Variants in CTNNA3 observed in about 807,000 individuals in gnomAD.
CTNNA3 encodes the protein catenin alpha 3.
CTNNA3 carries 76 observed loss-of-function variants against 95.7 expected under a neutral mutation model. That is an observed-to-expected ratio of 0.79 (90% CI 0.66 to 0.96). The LOEUF (loss-of-function observed/expected upper bound fraction) is 0.96, where lower values mean the gene tolerates loss of function less well. CTNNA3 is among the 40% of genes least tolerant of loss of function. CTNNA3 has a pLI of 0.00. For synonymous variants in CTNNA3, 431 were observed against 374.4 expected (o/e 1.15, Z -1.74); for missense variants, 1,191 against 1,089.8 (o/e 1.09, Z -1.31).
At chr10:67,613,563 G>A (rs923849811) in intron 2 of CTNNA3, among the ~76,000 whole-genome samples, 4 of 152,088 alleles carry the variant, frequency 2.6e-5, no homozygotes, top group African/African-American at 9.7e-5. Flanking sequence ...CTCCTGTCTA[G>A]TTTAGTTGGG....
chr10:67,088,999 A>G lies in CTNNA3; in HGVS notation c.1047+91318T>C, dbSNP rs539704824. On this transcript the variant is annotated intron_variant, in intron 7 of 17. Coordinates refer to ENST00000433211, the MANE Select transcript of CTNNA3 (RefSeq NM_013266.4). ...TAATGACTACTTAGATAGAATATAC[A>G]TTGTATTAGGTATTATGAGTAATCT... Among the ~76,000 whole-genome samples, 8 of 152,184 alleles carry G rather than the reference A, an allele frequency of 5.3e-5. No individual in the cohort carries two copies. The East Asian group carries it at 1.4e-3, about 26-fold the overall frequency.
chr10:67,304,792 A>G (rs1840470370), intron 5 of CTNNA3, among the ~76,000 whole-genome samples: 1 of 152,040 alleles, frequency 6.6e-6, no homozygotes, highest in Non-Finnish European at 1.5e-5. Context: ...TATAGTTATT[A>G]GTATTTCATC....
chr10:67,722,815 T>C (rs1231520322), intron 1 of CTNNA3, among the ~76,000 whole-genome samples: 1 of 152,184 alleles, frequency 6.6e-6, no homozygotes, highest in African/African-American at 2.4e-5. Context: ...ATTTCCAATA[T>C]TAAATATTCA....
intron 13 of CTNNA3, among the ~76,000 whole-genome samples, chr10:66,243,995 G>A (rs72799106): frequency 0.025 from 3,864 of 152,156 alleles, 66 homozygotes; most frequent in Non-Finnish European, 0.036. Context: ...TTCTGGACCT[G>A]CCCTGGACCA....
chr10:66,374,699 C>T (rs1396037921), intron 12 of CTNNA3, among the ~76,000 whole-genome samples: 3 of 147,384 alleles, frequency 2.0e-5, no homozygotes, highest in African/African-American at 7.6e-5. Context: ...ACTGCAACCT[C>T]TGCCTCCTGG....
chr10:65,959,334 T>G (rs1398128087), intron 17 of CTNNA3, among the ~76,000 whole-genome samples: 1 of 152,200 alleles, frequency 6.6e-6, no homozygotes, highest in African/African-American at 2.4e-5. Flanking sequence ...CGACCCCTTG[T>G]GCTTCCTGGG....
chr10:66,813,276 C>T (rs979698541), intron 7 of CTNNA3, among the ~76,000 whole-genome samples: 7 of 152,172 alleles, frequency 4.6e-5, no homozygotes, highest in African/African-American at 7.2e-5. Flanking sequence ...CTGTCAGCTG[C>T]GTCTTTGGGA....
intron 11 of CTNNA3, among the ~76,000 whole-genome samples, chr10:66,427,882 G>T (rs1377449446): frequency 6.6e-6 from 1 of 152,038 alleles, no homozygotes; most frequent in African/African-American, 2.4e-5. Flanking sequence ...ATAATGACAG[G>T]ATCAAATTCA....
intron 4 of CTNNA3, among the ~76,000 whole-genome samples, chr10:67,536,303 TAGACGCA>T (rs1840484605): frequency 6.6e-6 from 1 of 152,116 alleles, no homozygotes; most frequent in African/African-American, 2.4e-5. Flanking sequence ...AAAGCAAAAC[TAGACGCA>T]CTGTTTGAAA....
intron 9 of CTNNA3, among the ~76,000 whole-genome samples, chr10:66,690,162 G>A (rs1168170043): frequency 1.3e-5 from 2 of 152,100 alleles, no homozygotes; most frequent in African/African-American, 2.4e-5. Flanking sequence ...ATGTATATGT[G>A]TGTATTTGGG....
At chr10:67,430,622 C>T (rs537410610) in intron 5 of CTNNA3, among the ~76,000 whole-genome samples, 48 of 151,784 alleles carry the variant, frequency 3.2e-4, no homozygotes, top group African/African-American at 1.1e-3. Flanking sequence ...TACTCAGGTC[C>T]AGGTCATTCA....
chr10:67,727,077 CAT>C (rs576308688), intron 1 of CTNNA3, among the ~76,000 whole-genome samples: 1,095 of 108,866 alleles, frequency 0.01, 55 homozygotes, highest in African/African-American at 0.042. Context: ...ATATATGATA[CAT>C]ATATGATATA....
chr10:67,576,368 G>A (rs1215721988), intron 3 of CTNNA3, among the ~76,000 whole-genome samples: 3 of 151,918 alleles, frequency 2.0e-5, no homozygotes, highest in African/African-American at 7.2e-5. Flanking sequence ...ACTTTAAATG[G>A]CCACATACAA....
intron 5 of CTNNA3, among the ~76,000 whole-genome samples, chr10:67,414,631 A>G (rs1193729342): frequency 6.6e-6 from 1 of 152,188 alleles, no homozygotes; most frequent in Non-Finnish European, 1.5e-5. Flanking sequence ...ATACAACAAC[A>G]ACAACAAACT....
intron 5 of CTNNA3, among the ~76,000 whole-genome samples, chr10:67,274,505 A>T (rs1839108756): frequency 6.6e-6 from 1 of 152,124 alleles, no homozygotes; most frequent in Admixed American, 6.6e-5. Flanking sequence ...GCCATGAGAG[A>T]TTATACCACA....
At chr10:66,971,366 C>A (rs1849714819) in intron 7 of CTNNA3, among the ~76,000 whole-genome samples, 1 of 152,034 alleles carries the variant, frequency 6.6e-6, no homozygotes, top group Non-Finnish European at 1.5e-5. Context: ...GCGGAGGTTG[C>A]AGTGAGCCGA....
intron 9 of CTNNA3, among the ~76,000 whole-genome samples, chr10:66,720,546 C>T (rs58567748): frequency 0.013 from 2,023 of 152,200 alleles, 50 homozygotes; most frequent in African/African-American, 0.046. Context: ...AGGAGATCTG[C>T]TCTAGGCCAG....
At chr10:67,445,676 TTAAAGCAA>T (rs1435176241) in intron 5 of CTNNA3, among the ~76,000 whole-genome samples, 5 of 152,356 alleles carry the variant, frequency 3.3e-5, no homozygotes, top group Middle Eastern at 3.4e-3. Flanking sequence ...TCTTTGGTTC[TTAAAGCAA>T]TACCACTATT....
intron 9 of CTNNA3, among the ~76,000 whole-genome samples, chr10:66,714,360 G>C (rs1286094193): frequency 1.3e-5 from 2 of 151,988 alleles, no homozygotes; most frequent in Non-Finnish European, 2.9e-5. Flanking sequence ...TTACAGACTT[G>C]GGCTCTTTCA....
Sources: gnomAD v4.1 joint callset for allele counts (sites outside exome capture counted in the v4.1 genomes callset) on GRCh38, gnomAD v4.1.1 for gene constraint, MANE v1.5 for transcripts, NCBI Gene and HGNC (gene_info 2026-07-23, HGNC 2026-07-21) for gene names.